The following FBXO31 variants were observed in gnomAD, a reference collection of about 807,000 sequenced individuals.
FBXO31 encodes the protein F-box protein 31.
A neutral mutation model predicts 54.4 loss-of-function variants in FBXO31; 24 were observed. That is an observed-to-expected ratio of 0.44 (90% confidence interval 0.32 to 0.62). FBXO31 has a LOEUF of 0.62. Ranked by LOEUF, FBXO31 falls within the 20% of genes least tolerant of loss-of-function variation. FBXO31 has a pLI of 0.05. For missense variants in FBXO31, 665 were observed against 787.1 expected, an observed-to-expected ratio of 0.84 and a Z score of 1.86; for synonymous variants, 388 against 335.6, an observed-to-expected ratio of 1.16 and a Z score of -1.71.
chr16:87,347,220 A>C lies in FBXO31; in HGVS notation c.443T>G (p.Leu148Trp). 1 of 1,614,118 alleles carries C rather than the reference A, an allele frequency of 6.2e-7. No homozygotes were observed. The highest frequency in any genetic ancestry group is 8.5e-7 in the Non-Finnish European group (1 of 1,180,016). Residue 148 changes from leucine to tryptophan, a missense_variant, in exon 3 of 9, where the codon TTG (leucine) becomes TGG (tryptophan). Transcript: ENST00000311635. ...LLHRYRHILG[L>W]WQPDIGPYGG... ...GTATGGCCCGATATCTGGCTGCCAC[A>C]ATCCCAAAATGTGTCTATATCGGTG... is the stretch of plus-strand genomic sequence containing the variant.
chr16:87,362,327 G>T (rs1462982156), intron 1 of FBXO31, among the ~76,000 whole-genome samples: 2 of 151,640 alleles, frequency 1.3e-5, no homozygotes, highest in Non-Finnish European at 2.9e-5. Flanking sequence ...TAGAGATAGG[G>T]TCTCACTATG....
intron 1 of FBXO31, among the ~76,000 whole-genome samples, chr16:87,382,024 CAA>C (rs567465446): frequency 1.5e-5 from 2 of 136,318 alleles, no homozygotes; most frequent in Admixed American, 7.3e-5. Context: ...GACTCCGTCT[CAA>C]AAAAAAAAAA....
chr16:87,368,577 G>A (rs1906464265), intron 1 of FBXO31, among the ~76,000 whole-genome samples: 1 of 150,062 alleles, frequency 6.7e-6, no homozygotes, highest in South Asian at 2.1e-4. Flanking sequence ...GTTGCAGGCT[G>A]TTAATGCACA....
At chr16:87,349,538 C>T (rs1015913220) in intron 2 of FBXO31, among the ~76,000 whole-genome samples, 2 of 152,166 alleles carry the variant, frequency 1.3e-5, no homozygotes, top group South Asian at 2.1e-4. Context: ...GGTGAAACCC[C>T]GTCTCTACTT....
chr16:87,374,477 G>T (rs1451467693), intron 1 of FBXO31, among the ~76,000 whole-genome samples: 2 of 152,162 alleles, frequency 1.3e-5, no homozygotes, highest in Non-Finnish European at 2.9e-5. Context: ...TGGCTGCATG[G>T]GCACGCGCAG....
intron 2 of FBXO31, among the ~76,000 whole-genome samples, chr16:87,359,468 C>T (rs531568540): frequency 2.2e-4 from 33 of 152,302 alleles, no homozygotes; most frequent in Admixed American, 7.2e-4. Context: ...GTGTCCCTAC[C>T]GGGACATGAC....
intron 5 of FBXO31, among the ~76,000 whole-genome samples, chr16:87,340,461 A>G (rs1344046292): frequency 1.3e-5 from 2 of 152,242 alleles, no homozygotes; most frequent in Non-Finnish European, 2.9e-5. Flanking sequence ...TGTGGAGATA[A>G]CAGATCAGGT....
At chr16:87,376,975 C>T (rs1454132538) in intron 1 of FBXO31, among the ~76,000 whole-genome samples, 1 of 152,252 alleles carries the variant, frequency 6.6e-6, no homozygotes, top group Non-Finnish European at 1.5e-5. Context: ...AAGTAAGACA[C>T]CTGTAATACC....
intron 4 of FBXO31, 77 bp from the exon 5 acceptor site, chr16:87,343,028 G>T (rs1905241092): frequency 7.8e-7 from 1 of 1,285,784 alleles, no homozygotes; most frequent in Non-Finnish European, 1.1e-6. Flanking sequence ...CCAGGCAGGT[G>T]GCCACGACCC....
At chr16:87,388,955 T>G (rs1321439832) in intron 1 of FBXO31, among the ~76,000 whole-genome samples, 2 of 152,208 alleles carry the variant, frequency 1.3e-5, no homozygotes, top group African/African-American at 4.8e-5. Flanking sequence ...TTATATTAAC[T>G]AGCTTAAAAT....
In FBXO31 at chr16:87,345,494, G is replaced by A. The variant is rs1905347059; in HGVS notation, c.489+1680C>T. Among the ~76,000 whole-genome samples, 1 of 152,164 alleles carries A rather than the reference G, an allele frequency of 6.6e-6. No individual in the cohort carries two copies. The highest frequency in any genetic ancestry group is 1.5e-5 in the Non-Finnish European group (1 of 68,032). On this transcript the variant is annotated intron_variant, in intron 3 of 8. Coordinates refer to ENST00000311635, the MANE Select transcript of FBXO31 (RefSeq NM_024735.5). This position sits in a 1 kb window ranked among gnomAD's most constrained non-coding sequence, Gnocchi z 4.9. ...AAGAAAAGTCAGACAACTTCACTGT[G>A]TTGAATGAGCAGCTACTTTTCAACA...
rs116754073 is a variant in FBXO31, at chr16:87,358,258, T to A, written c.412+2037A>T. 6.6e-6 allele frequency among the ~76,000 whole-genome samples: 1 copy of A among 152,164 alleles called. No homozygotes were observed. Among genetic ancestry groups the A allele is most frequent in the African/African-American group, 2.4e-5 (1 of 41,420 alleles). ...TGTCACAGCTGAAGCAGAGCCACGC[T>A]GCAGCAAGTGAACGTGAAAGGATGA... On this transcript the variant is annotated intron_variant, in intron 2 of 8. Transcript: ENST00000311635. This position sits in a 1 kb window ranked among gnomAD's most constrained non-coding sequence, Gnocchi z 4.0.
chr16:87,361,764 C>T (rs985228102), intron 1 of FBXO31, among the ~76,000 whole-genome samples: 3 of 152,140 alleles, frequency 2.0e-5, no homozygotes, highest in Non-Finnish European at 4.4e-5. Context: ...AAGTAAAGCT[C>T]GAGAAGCAGA....
chr16:87,357,717 G>T (rs1406265971), intron 2 of FBXO31, among the ~76,000 whole-genome samples: 1 of 152,106 alleles, frequency 6.6e-6, no homozygotes, highest in East Asian at 1.9e-4. Context: ...GGCCGAGATG[G>T]GCAGATCACT....
At chr16:87,341,729 T>C (rs931741467) in intron 5 of FBXO31, among the ~76,000 whole-genome samples, 14 of 146,598 alleles carry the variant, frequency 9.5e-5, no homozygotes, top group African/African-American at 3.0e-4. Context: ...GTATATAAAA[T>C]CAAATCTAAA....
intron 1 of FBXO31, among the ~76,000 whole-genome samples, chr16:87,381,253 C>CT (rs1907063788): frequency 6.6e-6 from 1 of 151,964 alleles, no homozygotes; most frequent in Non-Finnish European, 1.5e-5. Context: ...AATAGACACT[C>CT]TAAGAGAAAA....
intron 2 of FBXO31, among the ~76,000 whole-genome samples, chr16:87,347,680 CAA>C (rs34496343): frequency 5.1e-4 from 30 of 59,002 alleles, no homozygotes; most frequent in East Asian, 1.2e-3. Context: ...ACTCAGTCTC[CAA>C]AAAAAAAAAA....
chr16:87,356,665 G>A (rs1426755286), intron 2 of FBXO31, among the ~76,000 whole-genome samples: 1 of 152,226 alleles, frequency 6.6e-6, no homozygotes, highest in African/African-American at 2.4e-5. Context: ...CAGTTCCCCA[G>A]CTGCAGTGAT....
chr16:87,331,281 T>C lies in FBXO31; in HGVS notation c.*7A>G, dbSNP rs1281277919. On this transcript the variant is annotated 3_prime_UTR_variant, in exon 9 of 9. Transcript: ENST00000311635. The stretch of plus-strand genomic sequence containing the variant: ...CACCCGGGATGTGGCGGCAAGGATG[T>C]GGCCGGTCAGGAGGTGAGGGACTGA... 4 of 1,611,472 alleles carry C rather than the reference T, an allele frequency of 2.5e-6. No homozygotes were observed. In the East Asian group the frequency reaches 6.7e-5, roughly 27 times the overall value.
Sources: allele counts gnomAD v4.1 joint callset (sites outside exome capture counted in the v4.1 genomes callset), GRCh38; gene constraint gnomAD v4.1.1; non-coding constraint Gnocchi (gnomAD v3.1); transcripts MANE v1.5; gene names NCBI Gene and HGNC (gene_info 2026-07-23, HGNC 2026-07-21).